The following PTPRD variants were observed in gnomAD, a reference collection of about 807,000 sequenced individuals.
The protein encoded by PTPRD is protein tyrosine phosphatase receptor type D.
A neutral mutation model predicts 214.5 loss-of-function variants in PTPRD; 34 were observed. The observed-to-expected ratio is 0.16, with a 90% CI of 0.12 to 0.21. The LOEUF (loss-of-function observed/expected upper bound fraction) is 0.21, where lower values mean the gene tolerates loss of function less well. Ranked by LOEUF, PTPRD falls within the 10% of genes least tolerant of loss-of-function variation. The pLI, the probability that PTPRD is intolerant of heterozygous loss-of-function variation, is 1.00. For missense variants in PTPRD, 2,545 were observed against 2,398.7 expected, an observed-to-expected ratio of 1.06 and a Z score of -1.27; for synonymous variants, 1,128 against 845.7, an observed-to-expected ratio of 1.33 and a Z score of -5.79.
intron 8 of PTPRD, among the ~76,000 whole-genome samples, chr9:9,419,537 A>G (rs908660177): frequency 1.3e-5 from 2 of 151,856 alleles, no homozygotes; most frequent in Non-Finnish European, 1.5e-5. Flanking sequence ...AATTCTGCTT[A>G]GAAGTAAACA....
At chr9:8,520,117 T>C (rs909786744) in intron 20 of PTPRD, among the ~76,000 whole-genome samples, 1 of 152,170 alleles carries the variant, frequency 6.6e-6, no homozygotes, top group East Asian at 1.9e-4. Context: ...TCAAAGCAAA[T>C]ACAAATATTG....
At chr9:10,178,068 C>G (rs1593252887) in intron 3 of PTPRD, among the ~76,000 whole-genome samples, 1 of 151,946 alleles carries the variant, frequency 6.6e-6, no homozygotes, top group East Asian at 1.9e-4. Context: ...TTGTACTTCT[C>G]TTATTTACCC....
intron 2 of PTPRD, among the ~76,000 whole-genome samples, chr9:10,398,672 T>C (rs2098217747): frequency 6.6e-6 from 1 of 152,002 alleles, no homozygotes; most frequent in South Asian, 2.1e-4. Context: ...ACCGTGTTGT[T>C]ATGAGGAGCA....
intron 7 of PTPRD, among the ~76,000 whole-genome samples, chr9:9,627,530 C>T (rs2095461184): frequency 6.6e-6 from 1 of 152,182 alleles, no homozygotes; most frequent in Admixed American, 6.5e-5. Flanking sequence ...AGTGTTTTCT[C>T]TTCTTCTCTG....
chr9:8,863,866 G>C (rs532892291), intron 11 of PTPRD, among the ~76,000 whole-genome samples: 2 of 152,286 alleles, frequency 1.3e-5, no homozygotes, highest in East Asian at 3.9e-4. Context: ...AGGAAAGGCA[G>C]AGCTGATTAG....
rs189051764 is a variant in PTPRD at position 8,753,177 on chromosome 9, T to C, written c.-103-19231A>G. ...ACTTATTTGTGCCTCTTGGCCCCTT[T>C]TTCCGATTATAAATATTTTCTGCCA... On this transcript the variant is annotated intron_variant, in intron 11 of 45. Transcript: ENST00000381196. 3.3e-5 allele frequency among the ~76,000 whole-genome samples: 5 copies of C among 152,292 alleles called. No individual in the cohort carries two copies. In the East Asian group the frequency reaches 9.7e-4, roughly 29 times the overall value.
intron 5 of PTPRD, among the ~76,000 whole-genome samples, chr9:9,819,491 A>T (rs1251761204): frequency 6.6e-6 from 1 of 152,166 alleles, no homozygotes; most frequent in Non-Finnish European, 1.5e-5. Flanking sequence ...ACTTCTGTGA[A>T]GTTTTTATTG....
chr9:8,940,813 A>G (rs1216864982), intron 11 of PTPRD, among the ~76,000 whole-genome samples: 1 of 118,486 alleles, frequency 8.4e-6, no homozygotes, highest in East Asian at 2.7e-4. Flanking sequence ...CAAAACTACC[A>G]TTGCAAAACA....
rs1274678797 is a variant in PTPRD, at chr9:9,601,145, GTGTGTAT to G, written c.-286-26371_-286-26365del. Among the ~76,000 whole-genome samples the G allele has an allele frequency of 1.9e-3, 221 of 117,724 alleles. 1 individual carries two copies. The highest frequency in any genetic ancestry group is 2.9e-3 in the Non-Finnish European group (166 of 58,070). 77.2% of individuals were successfully genotyped at this position (117,724 alleles called of 152,430 possible). Reference sequence around the variant, plus strand: ...TGTGTGTGTGTGTGTGTGTGTGTGTGTGTGTATGGGGGGGGGAGAGTGGGGAGAGAGA... The same window carrying G: ...TGTGTGTGTGTGTGTGTGTGTGTGTGGGGGGGGGGAGAGTGGGGAGAGAGA... On this transcript the variant is annotated intron_variant, in intron 7 of 45. Transcript: ENST00000381196.
rs555093797 is a variant in PTPRD, at chr9:10,325,285, T to A, written c.-545+15678A>T. On this transcript the variant is annotated intron_variant, in intron 3 of 45. Coordinates refer to ENST00000381196, the MANE Select transcript of PTPRD (RefSeq NM_002839.4). Reference sequence around the variant, plus strand: ...TTGTTATGCTGGCCACATGTTGAGATACAAGGCCTAGTTATACAGTAGGCA... The same window carrying A: ...TTGTTATGCTGGCCACATGTTGAGAAACAAGGCCTAGTTATACAGTAGGCA... Among the ~76,000 whole-genome samples, 221 of 152,106 alleles carry A rather than the reference T, an allele frequency of 1.5e-3. 1 individual carries two copies. In the Middle Eastern group the frequency reaches 0.031, roughly 21 times the overall value.
intron 9 of PTPRD, among the ~76,000 whole-genome samples, chr9:9,363,222 C>T (rs562327410): frequency 2.7e-5 from 4 of 149,644 alleles, no homozygotes; most frequent in African/African-American, 4.9e-5. Context: ...AATGATAAGG[C>T]CACAAGAGCA....
intron 2 of PTPRD, among the ~76,000 whole-genome samples, chr9:10,352,899 A>G (rs2097206467): frequency 6.6e-6 from 1 of 151,974 alleles, no homozygotes; most frequent in African/African-American, 2.4e-5. Flanking sequence ...CTGATTCCTA[A>G]ATGCTGCAAT....
At chr9:10,080,397 T>A (rs949417582) in intron 3 of PTPRD, among the ~76,000 whole-genome samples, 2 of 152,088 alleles carry the variant, frequency 1.3e-5, no homozygotes, top group African/African-American at 2.4e-5. Context: ...TAGGGAGGCA[T>A]TGGTATTCAA....
At chr9:10,151,256 CTTT>C (rs71321228) in intron 3 of PTPRD, among the ~76,000 whole-genome samples, 4 of 12,384 alleles carry the variant, frequency 3.2e-4, no homozygotes, top group Non-Finnish European at 4.6e-4. Context: ...TTTTTGTTAA[CTTT>C]TTTTTTTTTT....
At chr9:10,348,809 C>T (rs930850461) in intron 2 of PTPRD, among the ~76,000 whole-genome samples, 4 of 152,130 alleles carry the variant, frequency 2.6e-5, no homozygotes, top group African/African-American at 7.2e-5. Flanking sequence ...AACTTGGTCA[C>T]GCAAGCCTGC....
intron 5 of PTPRD, among the ~76,000 whole-genome samples, chr9:9,814,377 A>G (rs2048090783): frequency 1.3e-5 from 2 of 151,632 alleles, no homozygotes; most frequent in Non-Finnish European, 2.9e-5. Flanking sequence ...ACTTCATTTT[A>G]TATAGATAAA....
At chr9:8,457,476 A>C (rs1185417576) in intron 33 of PTPRD, among the ~76,000 whole-genome samples, 5 of 152,102 alleles carry the variant, frequency 3.3e-5, no homozygotes, top group Non-Finnish European at 7.3e-5. Context: ...ACTGATTATC[A>C]ATGTATTATA....
At chr9:10,004,526 A>G (rs768968155) in intron 4 of PTPRD, among the ~76,000 whole-genome samples, 3 of 152,022 alleles carry the variant, frequency 2.0e-5, no homozygotes, top group Non-Finnish European at 4.4e-5. Context: ...GAATAGGTAT[A>G]TAAGCAGAAA....
At chr9:8,959,632 T>C (rs978952520) in intron 11 of PTPRD, among the ~76,000 whole-genome samples, 85 of 152,132 alleles carry the variant, frequency 5.6e-4, no homozygotes, top group African/African-American at 1.9e-3. Flanking sequence ...CATTTAGTAG[T>C]TGTTTAAAAT....
Sources: allele counts gnomAD v4.1 joint callset (sites outside exome capture counted in the v4.1 genomes callset), GRCh38; gene constraint gnomAD v4.1.1; transcripts MANE v1.5; gene names NCBI Gene and HGNC (gene_info 2026-07-23, HGNC 2026-07-21).